The following SND1 variants were observed in gnomAD, a reference collection of about 807,000 sequenced individuals.
The protein encoded by SND1 is staphylococcal nuclease domain-containing protein 1.
In SND1, 38 loss-of-function variants were observed where a neutral mutation model predicts 121.7. The observed-to-expected ratio is 0.31, with a 90% CI of 0.24 to 0.41. The LOEUF is 0.41. SND1 is among the 10% of genes least tolerant of loss of function. SND1 has a pLI of 1.00. For synonymous variants in SND1, 401 were observed against 447.4 expected, an observed-to-expected ratio of 0.90 and a Z score of 1.31; for missense variants, 868 against 1,184.6, an observed-to-expected ratio of 0.73 and a Z score of 3.92.
intron 16 of SND1, chr7:128,032,038 G>C (rs1792631517): frequency 6.6e-6 from 1 of 151,766 alleles, no homozygotes; most frequent in African/African-American, 2.4e-5. Flanking sequence ...CGCCGGGCTC[G>C]CGGTGTTGCA....
Position 128,086,998 on chromosome 7 carries a change from C to T in SND1, c.2365C>T (p.Leu789=). The T allele has an allele frequency of 6.2e-7, 1 of 1,614,238 alleles. No individual in the cohort carries two copies. The highest frequency in any genetic ancestry group is 8.5e-7 in the Non-Finnish European group (1 of 1,180,038). Residue 789 remains leucine, a synonymous_variant, in exon 21 of 24, where the codon CTG becomes TTG. Transcript: ENST00000354725. ...TLSPAFSTRV[L]PAQATEYAFA... is the part of the protein sequence containing the mutation. ...ATCACCTGCCTTCAGCACTCGGGTG[C>T]TGCCAGCTCAAGCCACGGAGTATGC... is the stretch of plus-strand genomic sequence containing the variant.
chr7:127,738,574 C>T (rs974650953), intron 10 of SND1, among the ~76,000 whole-genome samples: 17 of 152,058 alleles, frequency 1.1e-4, no homozygotes, highest in Admixed American at 9.8e-4. Context: ...CCAGTGCTTC[C>T]GGCCCTGAAA....
chr7:127,767,018 C>T (rs1797434910), intron 10 of SND1, among the ~76,000 whole-genome samples: 1 of 151,814 alleles, frequency 6.6e-6, no homozygotes, highest in African/African-American at 2.4e-5. Context: ...CTGTGGCACC[C>T]TAGATGTTTA....
chr7:127,799,826 C>G (rs1227360442), intron 10 of SND1, among the ~76,000 whole-genome samples: 1 of 152,080 alleles, frequency 6.6e-6, no homozygotes, highest in Non-Finnish European at 1.5e-5. Flanking sequence ...GCTGCTTTTT[C>G]CTTGAAACAA....
At chr7:127,944,418 C>T (rs971743471) in intron 15 of SND1, among the ~76,000 whole-genome samples, 2 of 152,186 alleles carry the variant, frequency 1.3e-5, no homozygotes, top group African/African-American at 4.8e-5. Context: ...ACTCTGTATG[C>T]TTTCCTTCAG....
chr7:128,084,017 C>T (rs1462033181), intron 18 of SND1, among the ~76,000 whole-genome samples: 6 of 152,130 alleles, frequency 3.9e-5, no homozygotes, highest in Admixed American at 1.3e-4. Flanking sequence ...CCTCCTGTGG[C>T]GCAGGGGCCC....
At chr7:128,043,667 C>T (rs957915321) in intron 16 of SND1, among the ~76,000 whole-genome samples, 4 of 151,188 alleles carry the variant, frequency 2.6e-5, no homozygotes, top group African/African-American at 7.3e-5. Flanking sequence ...GCAGGAACAC[C>T]TCTTGGTCTC....
chr7:127,661,983 G>C (rs1587576093), intron 1 of SND1, among the ~76,000 whole-genome samples: 2 of 93,760 alleles, frequency 2.1e-5, no homozygotes, highest in Admixed American at 9.5e-5. Context: ...GGGCATGGTG[G>C]TGCGTGCCTG....
At chr7:127,736,399 CATG>C (rs1390153476) in intron 10 of SND1, among the ~76,000 whole-genome samples, 2 of 152,194 alleles carry the variant, frequency 1.3e-5, no homozygotes, top group African/African-American at 4.8e-5. Flanking sequence ...TTTCCTGAAA[CATG>C]ATTTTTAATG....
chr7:127,868,566 A>G (rs201168668), intron 12 of SND1, among the ~76,000 whole-genome samples: 1 of 152,162 alleles, frequency 6.6e-6, no homozygotes, highest in East Asian at 1.9e-4. Flanking sequence ...CGAAACACAG[A>G]TGATGCCTTC....
At chr7:127,764,926 AT>A (rs1307884363) in intron 10 of SND1, among the ~76,000 whole-genome samples, 1 of 152,166 alleles carries the variant, frequency 6.6e-6, no homozygotes, top group Non-Finnish European at 1.5e-5. Context: ...TTCAGGGGAA[AT>A]CGGGCGGAAC....
chr7:127,764,775 G>A (rs1169978051), intron 10 of SND1, among the ~76,000 whole-genome samples: 1 of 152,202 alleles, frequency 6.6e-6, no homozygotes. Context: ...AGGATCAGAT[G>A]TGAGTTTTTC....
intron 16 of SND1, among the ~76,000 whole-genome samples, chr7:128,058,125 C>T (rs767489002): frequency 6.6e-6 from 1 of 152,246 alleles, no homozygotes; most frequent in Non-Finnish European, 1.5e-5. Context: ...AGAGACCTGA[C>T]CCCTTGCCAG....
intron 11 of SND1, among the ~76,000 whole-genome samples, chr7:127,836,638 T>C (rs1332395623): frequency 6.6e-6 from 1 of 152,212 alleles, no homozygotes; most frequent in Non-Finnish European, 1.5e-5. Context: ...TAAAAATAAG[T>C]AGGTTACATC....
intron 1 of SND1, among the ~76,000 whole-genome samples, chr7:127,676,989 G>A (rs953995801): frequency 6.6e-5 from 10 of 152,282 alleles, no homozygotes; most frequent in Middle Eastern, 3.4e-3. Flanking sequence ...TGATCCACCC[G>A]CCTTGGCCTC....
At chr7:127,720,440 G>T (rs1240434450) in intron 9 of SND1, among the ~76,000 whole-genome samples, 1 of 152,244 alleles carries the variant, frequency 6.6e-6, no homozygotes, top group African/African-American at 2.4e-5. Flanking sequence ...TGGGCAAATT[G>T]TAGACTGCTG....
chr7:128,009,247 A>C (rs548514893), intron 16 of SND1, among the ~76,000 whole-genome samples: 82 of 152,350 alleles, frequency 5.4e-4, no homozygotes, highest in African/African-American at 1.9e-3. Context: ...CAGACAAGGT[A>C]CTGGGGAAAG....
At chr7:127,721,442 A>C (rs768356552) in intron 10 of SND1, 42 bp downstream of exon 10, 2 of 1,158,514 alleles carry the variant, frequency 1.7e-6, no homozygotes, top group Non-Finnish European at 2.6e-6. Context: ...CATAAACCAA[A>C]AGGAAGAAGT....
chr7:127,861,584 C>T (rs1307990415), intron 12 of SND1, among the ~76,000 whole-genome samples: 1 of 152,136 alleles, frequency 6.6e-6, no homozygotes, highest in Non-Finnish European at 1.5e-5. Flanking sequence ...AAGTGATTCT[C>T]CTGTCTCAGC....
Sources: allele counts gnomAD v4.1 joint callset (sites outside exome capture counted in the v4.1 genomes callset), GRCh38; gene constraint gnomAD v4.1.1; transcripts MANE v1.5; gene names NCBI Gene and HGNC (gene_info 2026-07-23, HGNC 2026-07-21).